The following GPT2 variants were observed in gnomAD, a reference collection of about 807,000 sequenced individuals.
The protein encoded by GPT2 is glutamic--pyruvic transaminase 2, also known as alanine aminotransferase 2.
A neutral mutation model predicts 56.9 loss-of-function variants in GPT2; 30 were observed. The observed-to-expected ratio is 0.53, with a 90% CI of 0.39 to 0.72. The LOEUF (loss-of-function observed/expected upper bound fraction) is 0.72. GPT2 is among the 30% of genes least tolerant of loss of function. The pLI, the probability that GPT2 is intolerant of heterozygous loss-of-function variation, is 0.00. For synonymous variants in GPT2, 271 were observed against 283.1 expected, an observed-to-expected ratio of 0.96 and a Z score of 0.43; for missense variants, 542 against 703.4, an observed-to-expected ratio of 0.77 and a Z score of 2.60.
At chr16:46,927,619 A>G (rs56006015) in intron 11 of GPT2, among the ~76,000 whole-genome samples, 27,569 of 152,168 alleles carry the variant, frequency 0.18, 3,435 homozygotes, top group African/African-American at 0.35. Flanking sequence ...CATCTTCCCC[A>G]TACATGTTGC....
chr16:46,922,224 C>G lies in GPT2; in HGVS notation c.1038-18C>G. On this transcript the variant is annotated intron_variant, in intron 8 of 11. Coordinates refer to ENST00000340124, the MANE Select transcript of GPT2 (RefSeq NM_133443.4). ...CTTTCTATAACTGGTGGTCCTCTCCCTCTCTTTGGCCCTCCAGGTGTGGTT... is the reference window on the plus strand; with the variant it reads ...CTTTCTATAACTGGTGGTCCTCTCCGTCTCTTTGGCCCTCCAGGTGTGGTT... 3 of 1,611,798 alleles carry G rather than the reference C, an allele frequency of 1.9e-6. No individual in the cohort carries two copies. The highest frequency in any genetic ancestry group is 1.3e-5 in the African/African-American group (1 of 74,982).
At position 46,884,757 on chromosome 16, in the gene GPT2, C is replaced by T; in HGVS notation, c.42C>T (p.Pro14=). The T allele has an allele frequency of 6.9e-7, 1 of 1,451,132 alleles. No homozygotes were observed. The highest frequency in any genetic ancestry group is 9.1e-7 in the Non-Finnish European group (1 of 1,100,480). 89.9% of individuals were successfully genotyped at this position (1,451,132 alleles called of 1,614,324 possible). The change falls in exon 2 of 12, where the codon CCC becomes CCT. Residue 14 remains proline, a synonymous_variant. Transcript: ENST00000340124. ...CGCTGGTCCGGCGGGGCTGTGGTCC[C>T]CGGACCCCCAGCTCCTGGGGCCGCA... is the stretch of plus-strand genomic sequence containing the variant. ...AAALVRRGCG[P]RTPSSWGRSQ...
Position 46,892,328 on chromosome 16 carries a change from A to G in GPT2, c.244-5320A>G, listed in dbSNP as rs552571531. The stretch of plus-strand genomic sequence containing the variant: ...ATATGTACCATATCTTTATCCATTC[A>G]TCTACTGATGGACACTTAGGTTGGT... On this transcript the variant is annotated intron_variant, in intron 2 of 11. Transcript: ENST00000340124. Among the ~76,000 whole-genome samples the G allele has an allele frequency of 9.9e-5, 15 of 152,284 alleles. No individual in the cohort carries two copies. The East Asian group carries it at 2.9e-3, about 29-fold the overall frequency.
intron 5 of GPT2, among the ~76,000 whole-genome samples, chr16:46,908,658 T>C (rs1960984293): frequency 6.6e-6 from 1 of 152,142 alleles, no homozygotes; most frequent in African/African-American, 2.4e-5. Flanking sequence ...TAGAGTCAGT[T>C]CTTGTGACAT....
At chr16:46,923,973 C>A (rs1961347692) in intron 9 of GPT2, 3 of 331,490 alleles carry the variant, frequency 9.1e-6, no homozygotes, top group African/African-American at 6.4e-5. Context: ...ACACAGGCTG[C>A]TGGGCTCTAC....
At chr16:46,895,406 T>C (rs1241727725) in intron 2 of GPT2, among the ~76,000 whole-genome samples, 1 of 151,878 alleles carries the variant, frequency 6.6e-6, no homozygotes, top group Admixed American at 6.6e-5. Flanking sequence ...TTATCTGTAG[T>C]CCCAGCCACT....
intron 2 of GPT2, chr16:46,885,262 A>G (rs1043684476): frequency 8.8e-7 from 1 of 1,133,420 alleles, no homozygotes; most frequent in Non-Finnish European, 1.1e-6. Context: ...ACCAAGGTCC[A>G]GTGGAGAGAG....
intron 9 of GPT2, chr16:46,923,742 G>T (rs577443324): frequency 1.9e-5 from 3 of 157,224 alleles, no homozygotes; most frequent in Non-Finnish European, 2.8e-5. Flanking sequence ...GACTTGCTCT[G>T]CCTGGGTCCT....
intron 3 of GPT2, among the ~76,000 whole-genome samples, chr16:46,900,355 C>G (rs1567335682): frequency 6.6e-6 from 1 of 152,122 alleles, no homozygotes; most frequent in Non-Finnish European, 1.5e-5. Flanking sequence ...CTCTGCAAAC[C>G]CCTGATTGTG....
intron 4 of GPT2, among the ~76,000 whole-genome samples, chr16:46,901,680 C>T (rs1015858672): frequency 1.3e-5 from 2 of 152,048 alleles, no homozygotes; most frequent in Non-Finnish European, 2.9e-5. Context: ...AGGGGAGTGG[C>T]CCCCCTTGTT....
At chr16:46,899,020 TATATATATATATA>T (rs1960760543) in intron 3 of GPT2, among the ~76,000 whole-genome samples, 1 of 95,074 alleles carries the variant, frequency 1.1e-5, no homozygotes, top group African/African-American at 7.6e-5. Flanking sequence ...TATATATATA[TATATATATATATA>T]TATTTTTTTT....
intron 3 of GPT2, among the ~76,000 whole-genome samples, chr16:46,899,174 AG>A (rs1215470167): frequency 7.9e-5 from 12 of 151,472 alleles, no homozygotes; most frequent in Admixed American, 7.3e-4. Context: ...CTGGGACTAC[AG>A]GTGTATGCCA....
chr16:46,915,806 C>G (rs1961143555), intron 6 of GPT2: 1 of 149,920 alleles, frequency 6.7e-6, no homozygotes, highest in Admixed American at 6.7e-5. Context: ...ACCCACCACA[C>G]CTACACACAC....
At chr16:46,893,867 A>G (rs892113171) in intron 2 of GPT2, among the ~76,000 whole-genome samples, 2 of 152,190 alleles carry the variant, frequency 1.3e-5, no homozygotes, top group African/African-American at 4.8e-5. Context: ...CTGAGCTGGC[A>G]GGGCCCTGAG....
chr16:46,916,468 C>T lies in GPT2; in HGVS notation c.821-160C>T. 9.0e-6 allele frequency: 6 copies of T among 663,056 alleles called. No homozygotes were observed. In the East Asian group the frequency reaches 1.5e-4, roughly 17 times the overall value. 41.1% of individuals were successfully genotyped at this position (663,056 alleles called of 1,614,324 possible). A position where few individuals can be genotyped will look rare whatever the true frequency, so the allele number is the denominator to read the frequency against. On this transcript the variant is annotated intron_variant, in intron 6 of 11. Coordinates refer to ENST00000340124, the MANE Select transcript of GPT2 (RefSeq NM_133443.4). ...GGGCGTCCCTGGAGGCCGACTACACCATCATGCATGGCAGCTGGGGAGGGG... is the reference window on the plus strand; with the variant it reads ...GGGCGTCCCTGGAGGCCGACTACACTATCATGCATGGCAGCTGGGGAGGGG...
intron 3 of GPT2, 84 bp from the exon 4 acceptor site, chr16:46,900,598 T>TCATC: frequency 9.7e-7 from 1 of 1,027,680 alleles, no homozygotes; most frequent in East Asian, 2.4e-5. Context: ...CTGGGAGCTG[T>TCATC]CATCCTCCCA....
intron 9 of GPT2, among the ~76,000 whole-genome samples, chr16:46,923,506 T>C (rs987126151): frequency 2.0e-5 from 3 of 152,230 alleles, no homozygotes; most frequent in African/African-American, 7.2e-5. Context: ...TGTGACTGGC[T>C]TATTTTCCTT....
At position 46,930,243 on chromosome 16, in the gene GPT2, G is replaced by C; in HGVS notation, c.*1246G>C. On this transcript the variant is annotated 3_prime_UTR_variant, in exon 12 of 12. Coordinates refer to ENST00000340124, the MANE Select transcript of GPT2 (RefSeq NM_133443.4). ...GGCTTCTCTGCCATTAGCAGCCCTG[G>C]GCGGGCCGACCACACTCGAGGCTGC... 1 of 152,472 alleles carries C rather than the reference G, an allele frequency of 6.6e-6. No individual in the cohort carries two copies. The highest frequency in any genetic ancestry group is 1.9e-4 in the East Asian group (1 of 5,196). The allele number at this position is 152,472 out of a possible 1,614,324, so 9.4% of individuals were successfully genotyped here.
chr16:46,927,147 G>A, intron 11 of GPT2, 110 bp downstream of exon 11: 2 of 617,686 alleles, frequency 3.2e-6, no homozygotes, highest in East Asian at 6.0e-5. Context: ...CGGAGACCCT[G>A]TCCTCTCTCG....
Sources: gnomAD v4.1 joint callset for allele counts (sites outside exome capture counted in the v4.1 genomes callset) on GRCh38, gnomAD v4.1.1 for gene constraint, MANE v1.5 for transcripts, NCBI Gene and HGNC (gene_info 2026-07-23, HGNC 2026-07-21) for gene names.